Variants in PKHD1L1 observed in about 807,000 individuals in gnomAD.
The protein encoded by PKHD1L1 is fibrocystin-L.
A neutral mutation model predicts 462.9 loss-of-function variants in PKHD1L1; 434 were observed. That is an observed-to-expected ratio of 0.94 (90% CI 0.87 to 1.02). PKHD1L1 has a LOEUF of 1.02. Ranked by LOEUF, PKHD1L1 falls within the 50% of genes least tolerant of loss-of-function variation. PKHD1L1 has a pLI of 0.00. For missense variants in PKHD1L1, 5,202 were observed against 5,096.1 expected, an observed-to-expected ratio of 1.02 and a Z score of -0.63; for synonymous variants, 1,781 against 1,750.0, an observed-to-expected ratio of 1.02 and a Z score of -0.44.
intron 36 of PKHD1L1, among the ~76,000 whole-genome samples, chr8:109,443,339 C>T (rs1379405254): frequency 2.0e-5 from 3 of 152,166 alleles, no homozygotes; most frequent in Non-Finnish European, 1.5e-5. Flanking sequence ...TTGTGTGCTT[C>T]CAATGAGAAG....
rs79995594 is a variant in PKHD1L1 at position 109,424,860 on chromosome 8, T to C, written c.2698-225T>C. The stretch of plus-strand genomic sequence containing the variant: ...TGAATTAATGAGGTATTACTGCAGT[T>C]CCAGCTGATTGCTGCACAGATGAAT... On this transcript the variant is annotated intron_variant, in intron 23 of 77. Transcript: ENST00000378402. 4.6e-5 allele frequency among the ~76,000 whole-genome samples: 7 copies of C among 152,292 alleles called. No homozygotes were observed. The East Asian group carries it at 1.3e-3, about 29-fold the overall frequency.
In PKHD1L1 at chr8:109,442,949, CA is replaced by C; in HGVS notation, c.4398del (p.Ser1468LeufsTer70). The C allele has an allele frequency of 3.2e-6, 5 of 1,567,666 alleles. No homozygotes were observed. The South Asian group carries it at 3.6e-5, about 11-fold the overall frequency. On this transcript the variant is annotated frameshift_variant, in exon 36 of 78. Transcript: ENST00000378402. LOFTEE classifies it high-confidence loss of function. ...TSGRQKSTSG[S>X]FSYQFTSPGI... ...GTACAATCTCATTTTATGGCAGGTT[CA>C]TTTTCTTACCAATTTACTTCTCCTG... is the stretch of plus-strand genomic sequence containing the variant.
intron 28 of PKHD1L1, among the ~76,000 whole-genome samples, chr8:109,433,506 G>A (rs73307395): frequency 0.014 from 2,092 of 151,890 alleles, 44 homozygotes; most frequent in African/African-American, 0.048. Context: ...TTCTTGCATC[G>A]GTGTGTCTCT....
At chr8:109,444,609 A>G (rs947893233) in intron 37 of PKHD1L1, 52 bp from the exon 38 acceptor site, 111 of 1,498,726 alleles carry the variant, frequency 7.4e-5, no homozygotes, top group Non-Finnish European at 9.9e-5. Context: ...AAATTTGTTT[A>G]TACTGGAGGT....
chr8:109,471,201 C>G (rs760372672), intron 50 of PKHD1L1: 4 of 906,812 alleles, frequency 4.4e-6, no homozygotes, highest in Non-Finnish European at 6.4e-6. Context: ...TCATTTTTTA[C>G]TTGAATCAGA....
At chr8:109,473,239 C>T (rs548896909) in intron 50 of PKHD1L1, among the ~76,000 whole-genome samples, 5 of 152,170 alleles carry the variant, frequency 3.3e-5, no homozygotes, top group Admixed American at 6.5e-5. Flanking sequence ...AGGCTGGGTG[C>T]GGTGGCTCAT....
At position 109,443,897 on chromosome 8, in the gene PKHD1L1, A is replaced by T. The variant is rs1445330924; in HGVS notation, c.4786A>T (p.Asn1596Tyr). 1 of 1,602,892 alleles carries T rather than the reference A, an allele frequency of 6.2e-7. No homozygotes were observed. Among genetic ancestry groups the T allele is most frequent in the Non-Finnish European group, 8.5e-7 (1 of 1,171,068 alleles). ...TGGCTTTAGTAATCTCCCATGGGCT[A>T]ATAAGGTAAGAATATAAATACCTCC... Reference protein sequence around the residue: ...GHGFSNLPWANKVTIGSYPCV... With the variant: ...GHGFSNLPWAYKVTIGSYPCV... Residue 1596 changes from asparagine to tyrosine, a missense_variant, in exon 37 of 78, where the codon AAT becomes TAT. Transcript: ENST00000378402.
intron 23 of PKHD1L1, among the ~76,000 whole-genome samples, chr8:109,423,654 CA>C (rs961482942): frequency 2.6e-5 from 4 of 152,188 alleles, no homozygotes; most frequent in African/African-American, 9.6e-5. Flanking sequence ...TTTATGTCTA[CA>C]AAAAAACCTT....
At position 109,464,877 on chromosome 8, in the gene PKHD1L1, G is replaced by C. The variant is rs1424951030; in HGVS notation, c.8045G>C (p.Gly2682Ala). 6.2e-7 allele frequency: 1 copy of C among 1,613,782 alleles called. No individual in the cohort carries two copies. The highest frequency in any genetic ancestry group is 1.1e-5 in the South Asian group (1 of 91,082). ...GTGATGGTGAATAACTATGAGGCTG[G>C]AATTGAGACTAAGAGGATCCTGGCT... ...NFVMVNNYEA[G>A]IETKRILAPY... Residue 2682 changes from glycine (G) to alanine (A), a missense_variant, in exon 49 of 78, where the codon GGA becomes GCA. Physicochemically the swap from Gly to Ala is moderately conservative, Grantham distance 60 (BLOSUM62 0). Around this residue, in one of 3 missense-constraint regions of PKHD1L1, gnomAD observed 4,497 missense variants for 4,336.8 expected, o/e 1.04. Coordinates refer to ENST00000378402, the MANE Select transcript of PKHD1L1 (RefSeq NM_177531.6).
chr8:109,375,142 T>C (rs867777649), intron 2 of PKHD1L1, among the ~76,000 whole-genome samples: 2 of 152,172 alleles, frequency 1.3e-5, no homozygotes, highest in African/African-American at 2.4e-5. Context: ...GTACACCAAT[T>C]AGACGTAGAT....
chr8:109,447,104 T>C (rs1282669834), intron 38 of PKHD1L1, among the ~76,000 whole-genome samples: 1 of 152,050 alleles, frequency 6.6e-6, no homozygotes, highest in Non-Finnish European at 1.5e-5. Flanking sequence ...GCACCTGTAG[T>C]CCCAGCTACT....
In PKHD1L1 at chr8:109,430,991, G is replaced by A. The variant is rs1236493468; in HGVS notation, c.3229+954G>A. Among the ~76,000 whole-genome samples, 5 of 137,624 alleles carry A rather than the reference G, an allele frequency of 3.6e-5. No homozygotes were observed. The South Asian group carries it at 1.1e-3, about 32-fold the overall frequency. 90.3% of individuals were successfully genotyped at this position (137,624 alleles called of 152,430 possible). Reference sequence around the variant, plus strand: ...TTCCCACTTTTTTTTTTTTTTTTGAGACTGAGTCTTGCTGTCACCAGGCTG... The same window carrying A: ...TTCCCACTTTTTTTTTTTTTTTTGAAACTGAGTCTTGCTGTCACCAGGCTG... On this transcript the variant is annotated intron_variant, in intron 27 of 77. Transcript: ENST00000378402.
chr8:109,410,080 TA>T, intron 19 of PKHD1L1, 102 bp downstream of exon 19: 1 of 655,410 alleles, frequency 1.5e-6, no homozygotes, highest in Non-Finnish European at 2.4e-6. Flanking sequence ...ATAACTTTGT[TA>T]TTCACAGTCA....
chr8:109,452,004 G>A (rs1816546837), intron 41 of PKHD1L1, 120 bp from the exon 42 acceptor site: 4 of 803,698 alleles, frequency 5.0e-6, no homozygotes, highest in Non-Finnish European at 7.3e-6. Context: ...CTACACTTTG[G>A]TGGCTGATAG....
At chr8:109,364,184 C>G (rs889988147) in intron 1 of PKHD1L1, among the ~76,000 whole-genome samples, 1 of 152,170 alleles carries the variant, frequency 6.6e-6, no homozygotes, top group Non-Finnish European at 1.5e-5. Flanking sequence ...TTCTTGGTGT[C>G]TGCTGTTAGG....
intron 40 of PKHD1L1, among the ~76,000 whole-genome samples, chr8:109,450,493 G>A (rs73704006): frequency 0.014 from 2,084 of 151,916 alleles, 56 homozygotes; most frequent in African/African-American, 0.047. Flanking sequence ...TATATATATA[G>A]CAATGCTTTG....
chr8:109,385,070 CGTTT>C (rs1812366049), intron 5 of PKHD1L1, among the ~76,000 whole-genome samples: 1 of 151,586 alleles, frequency 6.6e-6, no homozygotes, highest in Non-Finnish European at 1.5e-5. Flanking sequence ...TAGATCTTAA[CGTTT>C]GTTGTTTTTT....
In PKHD1L1 at chr8:109,443,677, A is replaced by T. The variant is rs1281707718; in HGVS notation, c.4566A>T (p.Gly1522=). 3 of 1,609,436 alleles carry T rather than the reference A, an allele frequency of 1.9e-6. No homozygotes were observed. In the South Asian group the frequency reaches 3.3e-5, roughly 18 times the overall value. Residue 1522 remains glycine (G), a splice_region_variant and synonymous_variant, in exon 37 of 78, where the codon GGA becomes GGT. Transcript: ENST00000378402. The part of the protein sequence containing the change: ...VGRSEATYAY[G]GPENLHLGSS... ...AACGGGCAGTTCTTTTGTCTAAAGG[A>T]GGACCTGAGAATTTGCACTTGGGAA...
intron 33 of PKHD1L1, 112 bp downstream of exon 33, chr8:109,440,964 T>A: frequency 7.6e-7 from 1 of 1,315,992 alleles, no homozygotes; most frequent in Non-Finnish European, 1.0e-6. Context: ...ATTTTTCTAG[T>A]AGCATAAAAA....
Sources: allele counts gnomAD v4.1 joint callset (sites outside exome capture counted in the v4.1 genomes callset), GRCh38; gene constraint gnomAD v4.1.1; regional missense constraint gnomAD v4.1.1; transcripts MANE v1.5; gene names NCBI Gene and HGNC (gene_info 2026-07-23, HGNC 2026-07-21).